The following CDT1 variants were observed in gnomAD, a reference collection of about 807,000 sequenced individuals.
CDT1 encodes chromatin licensing and DNA replication factor 1.
In CDT1, 66 loss-of-function variants were observed where a neutral mutation model predicts 49.3. The ratio of observed to expected loss-of-function variants is 1.34; its 90% CI spans 1.10 to 1.64. CDT1 has a LOEUF of 1.64. Among genes scored for constraint, CDT1 ranks in the 40% most tolerant of loss-of-function variants. The pLI is 0.00. For missense variants in CDT1, 958 were observed against 807.7 expected, an observed-to-expected ratio of 1.19 and a Z score of -2.26; for synonymous variants, 424 against 347.4, an observed-to-expected ratio of 1.22 and a Z score of -2.45.
Position 88,804,862 on chromosome 16 carries a change from G to A in CDT1, c.452G>A (p.Cys151Tyr). The A allele has an allele frequency of 6.2e-7, 1 of 1,605,834 alleles. No homozygotes were observed. Residue 151 changes from cysteine (C) to tyrosine (Y), a missense_variant, in exon 3 of 10, where the codon TGC becomes TAC. Cys to Tyr is a radical substitution (Grantham distance 194, BLOSUM62 -2). Coordinates refer to ENST00000301019, the MANE Select transcript of CDT1 (RefSeq NM_030928.4). ...KASAQDAGES[C>Y]TPEAEGRPEE... ...AGTGCCCAGGATGCTGGGGAGTCCT[G>A]CACCCCAGAGGCCGAGGGCCGCCCT...
chr16:88,805,983 T>G, intron 5 of CDT1, 38 bp from the exon 6 acceptor site: 2 of 1,576,064 alleles, frequency 1.3e-6, no homozygotes, highest in Non-Finnish European at 1.7e-6. Context: ...GGTGGCTGGG[T>G]GGCCTGGTGG....
rs1009805345 is a variant in CDT1, at chr16:88,809,148, G to C, written c.*870G>C. On this transcript the variant is annotated 3_prime_UTR_variant, in exon 10 of 10. Coordinates refer to ENST00000301019, the MANE Select transcript of CDT1 (RefSeq NM_030928.4). ...ACAGGCAGCCTGGAGAAGCTGGGCA[G>C]GACAAGTAGGACATCCCTGGAGCCT... 1.1e-5 allele frequency: 3 copies of C among 281,272 alleles called. No homozygotes were observed. Among genetic ancestry groups the C allele is most frequent in the African/African-American group, 2.2e-5 (1 of 45,126 alleles). The allele number at this position is 281,272 out of a possible 1,614,324, so 17.4% of individuals were successfully genotyped here.
intron 1 of CDT1, 88 bp downstream of exon 1, chr16:88,804,147 G>C: frequency 5.5e-6 from 5 of 907,884 alleles, no homozygotes; most frequent in Non-Finnish European, 7.4e-6. Context: ...CTGAGGCGGA[G>C]GGACGGGGGC....
In CDT1 at chr16:88,808,486, C is replaced by A; in HGVS notation, c.*208C>A. 1 of 607,024 alleles carries A rather than the reference C, an allele frequency of 1.6e-6. No individual in the cohort carries two copies. 37.6% of individuals were successfully genotyped at this position (607,024 alleles called of 1,614,324 possible). A position where few individuals can be genotyped will look rare whatever the true frequency, so the allele number is the denominator to read the frequency against. ...CTTCATGGGGCTCACCTGGTGGATT[C>A]ACATTAAACCGGTTTCTGTGGGCAC... is the stretch of plus-strand genomic sequence containing the variant. On this transcript the variant is annotated 3_prime_UTR_variant, in exon 10 of 10. Transcript: ENST00000301019.
At chr16:88,804,121 G>A (rs1357788747) in intron 1 of CDT1, 62 bp downstream of exon 1, 51 of 1,123,824 alleles carry the variant, frequency 4.5e-5, no homozygotes, top group Admixed American at 2.4e-4. Context: ...GGCCCGGGGG[G>A]CAGGGCTCGG....
At chr16:88,806,247 C>G in intron 6 of CDT1, 126 bp downstream of exon 6, 1 of 1,088,470 alleles carries the variant, frequency 9.2e-7, no homozygotes, top group South Asian at 1.4e-5. Flanking sequence ...CTGGGTTCAC[C>G]CTGAGCTGAG....
rs757024952 is a variant in CDT1 at position 88,807,341 on chromosome 16, C to CGCTT, written c.1336_1337insGCTT (p.Gln446ArgfsTer12). The CGCTT allele has an allele frequency of 2.8e-5, 45 of 1,612,426 alleles. No individual in the cohort carries two copies. The South Asian group carries it at 4.2e-4, about 15-fold the overall frequency. On this transcript the variant is annotated frameshift_variant, in exon 9 of 10. Coordinates refer to ENST00000301019, the MANE Select transcript of CDT1 (RefSeq NM_030928.4). LOFTEE classifies it high-confidence loss of function. ...GATGACGCGGTGCCCGGAGCAGGAGCAGCGGCTGCAGCGCTTAGAACGGCT... is the reference window on the plus strand; with the variant it reads ...GATGACGCGGTGCCCGGAGCAGGAGCGCTTAGCGGCTGCAGCGCTTAGAACGGCT...
rs1908739528 is a variant in CDT1 at position 88,803,791 on chromosome 16, CCCTT to C, written c.-35_-32del. 7 of 1,462,060 alleles carry C rather than the reference CCCTT, an allele frequency of 4.8e-6. No homozygotes were observed. The highest frequency in any genetic ancestry group is 1.5e-5 in the African/African-American group (1 of 67,974). 90.6% of individuals were successfully genotyped at this position (1,462,060 alleles called of 1,614,324 possible). On this transcript the variant is annotated 5_prime_UTR_variant, in exon 1 of 10. Transcript: ENST00000301019. ...GCGGGAACCGCGCCCGCCTCTTCCT[CCCTT>C]CCTTCTTTCCTTGCTTTCGCCGCGC...
rs1002524949 is a variant in CDT1 at position 88,808,723 on chromosome 16, G to A, written c.*445G>A. The A allele has an allele frequency of 1.5e-5, 3 of 198,914 alleles. No homozygotes were observed. The South Asian group carries it at 2.6e-4, about 17-fold the overall frequency. 12.3% of individuals were successfully genotyped at this position (198,914 alleles called of 1,614,324 possible). A position where few individuals can be genotyped will look rare whatever the true frequency, so the allele number is the denominator to read the frequency against. Reference sequence around the variant, plus strand: ...GTCATTAAGAAAGACTGGGGTGGGTGTGGTGGCTCACGCCTGTAACCCCAG... The same window carrying A: ...GTCATTAAGAAAGACTGGGGTGGGTATGGTGGCTCACGCCTGTAACCCCAG... On this transcript the variant is annotated 3_prime_UTR_variant, in exon 10 of 10. Transcript: ENST00000301019.
rs145184038 is a variant in CDT1, at chr16:88,808,615, G to C, written c.*337G>C. The C allele has an allele frequency of 7.6e-5, 28 of 368,364 alleles. No homozygotes were observed. Among genetic ancestry groups the C allele is most frequent in the Non-Finnish European group, 1.2e-4 (24 of 199,734 alleles). 22.8% of individuals were successfully genotyped at this position (368,364 alleles called of 1,614,324 possible). A position where few individuals can be genotyped will look rare whatever the true frequency, so the allele number is the denominator to read the frequency against. On this transcript the variant is annotated 3_prime_UTR_variant, in exon 10 of 10. Coordinates refer to ENST00000301019, the MANE Select transcript of CDT1 (RefSeq NM_030928.4). The stretch of plus-strand genomic sequence containing the variant: ...GAAGGGGGCTCTGTGGCAATATGGG[G>C]TTGGGTAGTGTGGGTGGCAGGCCAT...
chr16:88,804,585 C>T lies in CDT1; in HGVS notation c.269C>T (p.Ala90Val). 1 of 1,613,132 alleles carries T rather than the reference C, an allele frequency of 6.2e-7. No individual in the cohort carries two copies. Among genetic ancestry groups the T allele is most frequent in the Non-Finnish European group, 8.5e-7 (1 of 1,179,942 alleles). ...PSTPEAPDIP[A>V]CPSPGQKIKK... is the part of the protein sequence containing the mutation. ...ACCCCCGAGGCCCCAGACATCCCAG[C>T]CTGCCCTTCTCCGGGCCAGAAGATA... The change falls in exon 2 of 10, where the codon GCC (alanine) becomes GTC (valine). Residue 90 changes from alanine to valine, a missense_variant. Coordinates refer to ENST00000301019, the MANE Select transcript of CDT1 (RefSeq NM_030928.4).
chr16:88,806,052 C>T lies in CDT1; in HGVS notation c.864C>T (p.Ala288=), dbSNP rs1381063232. The change falls in exon 6 of 10, where the codon GCC becomes GCT. Residue 288 remains alanine, a synonymous_variant. Transcript: ENST00000301019. ...ACGGAGCAGCCCCCCAGCTCACGGC[C>T]TCGCGCCTCCTGCAGCGACGGCAGA... ...EADGAAPQLT[A]SRLLQRRQIF... 1 of 1,597,614 alleles carries T rather than the reference C, an allele frequency of 6.3e-7. No individual in the cohort carries two copies. The highest frequency in any genetic ancestry group is 1.7e-5 in the Admixed American group (1 of 58,588).
intron 9 of CDT1, among the ~76,000 whole-genome samples, chr16:88,807,874 G>A (rs1322077784): frequency 2.6e-5 from 4 of 152,204 alleles, no homozygotes; most frequent in Non-Finnish European, 5.9e-5. Flanking sequence ...ATGGGCTGGC[G>A]GCCTCCATGC....
intron 6 of CDT1, 159 bp downstream of exon 6, chr16:88,806,280 C>G (rs1908852947): frequency 1.0e-6 from 1 of 970,370 alleles, no homozygotes; most frequent in South Asian, 1.4e-5. Flanking sequence ...CAGGGTGCAG[C>G]CGCAGGCACT....
rs1459070807 is a variant in CDT1 at position 88,804,887 on chromosome 16, T to G, written c.477T>G (p.Pro159=). 6.3e-6 allele frequency: 10 copies of G among 1,575,468 alleles called. No homozygotes were observed. Among genetic ancestry groups the G allele is most frequent in the Non-Finnish European group, 7.7e-6 (9 of 1,165,032 alleles). The change falls in exon 3 of 10, where the codon CCT becomes CCG. Residue 159 remains proline (P), a synonymous_variant. Coordinates refer to ENST00000301019, the MANE Select transcript of CDT1 (RefSeq NM_030928.4). ...GCACCCCAGAGGCCGAGGGCCGCCC[T>G]GAGGAGCCATGGTGAGTGCTGGGTG... ...ESCTPEAEGR[P]EEPCGEKAPA...
At chr16:88,806,237 C>A in intron 6 of CDT1, 116 bp downstream of exon 6, 1 of 1,120,676 alleles carries the variant, frequency 8.9e-7, no homozygotes, top group Non-Finnish European at 1.3e-6. Context: ...TGGAACTGGG[C>A]TGGGTTCACC....
rs1026845590 is a variant in CDT1 at position 88,807,180 on chromosome 16, G to T, written c.1252G>T (p.Val418Leu). The T allele has an allele frequency of 1.2e-6, 2 of 1,612,304 alleles. No individual in the cohort carries two copies. The highest frequency in any genetic ancestry group is 1.7e-6 in the Non-Finnish European group (2 of 1,179,824). Residue 418 changes from valine to leucine, a missense_variant, in exon 8 of 10, where the codon GTG becomes TTG. By Grantham distance (32) the Val-to-Leu change is conservative. Coordinates refer to ENST00000301019, the MANE Select transcript of CDT1 (RefSeq NM_030928.4). ...PAASPSALKGVSQDLLERIRA... is the reference protein window; with the variant it reads ...PAASPSALKGLSQDLLERIRA... ...AGCCTCTCCCAGTGCTCTGAAGGGGGTGTCCCAGGATCTGCTGGAGCGGGT... is the reference window on the plus strand; with the variant it reads ...AGCCTCTCCCAGTGCTCTGAAGGGGTTGTCCCAGGATCTGCTGGAGCGGGT...
Position 88,808,263 on chromosome 16 carries a change from T to A in CDT1, c.1626T>A (p.Ala542=), listed in dbSNP as rs1422132953. ...ITARLAHQTR[A]EEGL is the part of the protein sequence containing the mutation. ...CACGCCTGGCCCACCAGACACGTGCTGAGGAGGGGCTGTGAGCCTGGGGGC... is the reference window on the plus strand; with the variant it reads ...CACGCCTGGCCCACCAGACACGTGCAGAGGAGGGGCTGTGAGCCTGGGGGC... The change falls in exon 10 of 10, where the codon GCT becomes GCA. Residue 542 remains alanine (A), a synonymous_variant. Coordinates refer to ENST00000301019, the MANE Select transcript of CDT1 (RefSeq NM_030928.4). 6.3e-7 allele frequency: 1 copy of A among 1,593,864 alleles called. No homozygotes were observed. The highest frequency in any genetic ancestry group is 8.5e-7 in the Non-Finnish European group (1 of 1,170,732).
At position 88,807,122 on chromosome 16, in the gene CDT1, A is replaced by G. The variant is rs748830844; in HGVS notation, c.1194A>G (p.Ala398=). 5 of 1,612,528 alleles carry G rather than the reference A, an allele frequency of 3.1e-6. No homozygotes were observed. In the South Asian group the frequency reaches 3.3e-5, roughly 11 times the overall value. The part of the protein sequence containing the change: ...APSSPGSPRP[A]LPATPPATPP... ...GCAGCCCCGGGTCTCCCAGGCCAGC[A>G]CTGCCGGCTACCCCACCAGCCACCC... Residue 398 remains alanine (A), a synonymous_variant, in exon 8 of 10, where the codon GCA becomes GCG. Transcript: ENST00000301019.
Sources: allele counts gnomAD v4.1 joint callset (sites outside exome capture counted in the v4.1 genomes callset), GRCh38; gene constraint gnomAD v4.1.1; transcripts MANE v1.5; gene names NCBI Gene and HGNC (gene_info 2026-07-23, HGNC 2026-07-21).